SAMMSON: variants seen among roughly 807,000 people sequenced by gnomAD.
SAMMSON encodes long intergenic non-protein coding RNA 1212.
chr3:70,148,964 C>T (rs965079064), intron 4 of SAMMSON, among the ~76,000 whole-genome samples: 1 of 152,044 alleles, frequency 6.6e-6, no homozygotes, highest in African/African-American at 2.4e-5. Flanking sequence ...GTGAATGCAT[C>T]TATTATGGAA....
chr3:70,260,073 G>A (rs1701851310), intron 6 of SAMMSON, among the ~76,000 whole-genome samples: 1 of 152,128 alleles, frequency 6.6e-6, no homozygotes, highest in Non-Finnish European at 1.5e-5. Context: ...ATGAGATTTG[G>A]GTGGGGACAC....
At chr3:70,018,226 G>A (rs998914327) in intron 3 of SAMMSON, among the ~76,000 whole-genome samples, 2 of 152,078 alleles carry the variant, frequency 1.3e-5, no homozygotes, top group South Asian at 4.1e-4. Context: ...GACTTTTTTT[G>A]TTGGTAAACT....
chr3:70,416,206 G>GAGCAC (rs1483628689), intron 2 of SAMMSON, among the ~76,000 whole-genome samples: 1 of 152,154 alleles, frequency 6.6e-6, no homozygotes, highest in Admixed American at 6.5e-5. Context: ...TGATGGAGAT[G>GAGCAC]AGCACTAGAG....
chr3:70,262,713 A>T (rs988091563), intron 6 of SAMMSON, among the ~76,000 whole-genome samples: 1 of 152,156 alleles, frequency 6.6e-6, no homozygotes, highest in Non-Finnish European at 1.5e-5. Context: ...GCTTGGGGTT[A>T]TTGGAGATTC....
intron 2 of SAMMSON, among the ~76,000 whole-genome samples, chr3:70,420,007 C>T (rs1370687644): frequency 6.6e-6 from 1 of 152,200 alleles, no homozygotes; most frequent in Non-Finnish European, 1.5e-5. Flanking sequence ...AAAGGATTAA[C>T]AATTTCCCAA....
At chr3:70,023,413 A>G (rs965340251) in intron 3 of SAMMSON, among the ~76,000 whole-genome samples, 6 of 151,670 alleles carry the variant, frequency 4.0e-5, no homozygotes, top group African/African-American at 1.5e-4. Context: ...GTGAGCTGAG[A>G]TTGCTCCAGT....
At chr3:70,232,433 C>A (rs368199518) in intron 4 of SAMMSON, among the ~76,000 whole-genome samples, 4 of 150,920 alleles carry the variant, frequency 2.7e-5, no homozygotes, top group African/African-American at 9.8e-5. Flanking sequence ...GATGGAGTCT[C>A]GCTCTGTCGC....
At chr3:70,212,127 G>A (rs1021903200) in intron 4 of SAMMSON, among the ~76,000 whole-genome samples, 4 of 152,018 alleles carry the variant, frequency 2.6e-5, no homozygotes, top group African/African-American at 7.2e-5. Context: ...TCTTCATCCA[G>A]CCATCCAAAG....
At chr3:70,257,047 C>T (rs757541153) in intron 6 of SAMMSON, among the ~76,000 whole-genome samples, 11 of 152,052 alleles carry the variant, frequency 7.2e-5, no homozygotes, top group African/African-American at 1.2e-4. Context: ...GATCTGATGG[C>T]GAAAAGCAGG....
chr3:70,377,866 C>T (rs1012521634), intron 9 of SAMMSON, among the ~76,000 whole-genome samples: 1 of 151,870 alleles, frequency 6.6e-6, no homozygotes, highest in African/African-American at 2.4e-5. Context: ...GGCTAATAAA[C>T]ACATGAAGGA....
At chr3:70,249,295 C>T (rs562058416) in intron 5 of SAMMSON, 1 of 152,196 alleles carries the variant, frequency 6.6e-6, no homozygotes, top group South Asian at 2.1e-4. Context: ...TATGTAGTGC[C>T]TTCTTTCTGA....
At chr3:70,156,984 T>C (rs2067594629) in intron 4 of SAMMSON, among the ~76,000 whole-genome samples, 2 of 152,114 alleles carry the variant, frequency 1.3e-5, no homozygotes, top group African/African-American at 2.4e-5. Flanking sequence ...CACCTAAACT[T>C]ATTTTCTTGC....
At chr3:70,195,615 C>T (rs965995163) in intron 4 of SAMMSON, among the ~76,000 whole-genome samples, 3 of 152,128 alleles carry the variant, frequency 2.0e-5, no homozygotes, top group Non-Finnish European at 2.9e-5. Context: ...TGCTGTTTCC[C>T]TAAATTACAC....
At chr3:70,009,226 C>T (rs1477828027) in intron 1 of SAMMSON, 26 of 152,136 alleles carry the variant, frequency 1.7e-4, no homozygotes, top group Admixed American at 5.9e-4. Flanking sequence ...ACCAGCTCCT[C>T]CTTGTACCTC....
At chr3:70,074,876 A>T (rs1432152579) in intron 4 of SAMMSON, 1 of 152,024 alleles carries the variant, frequency 6.6e-6, no homozygotes, top group African/African-American at 2.4e-5. Flanking sequence ...GTCGGGATGA[A>T]ATCTTACTTA....
At chr3:70,279,419 T>C (rs915090758) in intron 6 of SAMMSON, among the ~76,000 whole-genome samples, 1 of 152,152 alleles carries the variant, frequency 6.6e-6, no homozygotes, top group African/African-American at 2.4e-5. Flanking sequence ...GAAAGACCTC[T>C]GGACTTTATC....
chr3:70,380,345 C>A (rs1453937291), intron 9 of SAMMSON, among the ~76,000 whole-genome samples: 1 of 151,954 alleles, frequency 6.6e-6, no homozygotes, highest in Non-Finnish European at 1.5e-5. Flanking sequence ...AGTACAAAAT[C>A]AAAGAATCTG....
intron 4 of SAMMSON, among the ~76,000 whole-genome samples, chr3:70,171,947 A>T (rs1006801034): frequency 6.6e-6 from 1 of 151,224 alleles, no homozygotes; most frequent in African/African-American, 2.4e-5. Flanking sequence ...TAGTGGAGTG[A>T]TTTGGCTGGT....
chr3:70,180,014 G>A (rs1701040047), intron 4 of SAMMSON, among the ~76,000 whole-genome samples: 2 of 151,524 alleles, frequency 1.3e-5, no homozygotes, highest in South Asian at 4.2e-4. Flanking sequence ...ATGTGTGTGT[G>A]TGTGTGTGTG....
Sources: gnomAD v4.1 joint callset for allele counts (sites outside exome capture counted in the v4.1 genomes callset) on GRCh38, gnomAD v4.1.1 for gene constraint, MANE v1.5 for transcripts, NCBI Gene and HGNC (gene_info 2026-07-23, HGNC 2026-07-21) for gene names.